Variants in SLC35F3 observed in about 807,000 individuals in gnomAD.
SLC35F3 encodes the protein putative thiamine transporter SLC35F3.
Under a neutral mutation model 49.9 loss-of-function variants are expected in SLC35F3, and 25 were observed. That is an observed-to-expected ratio of 0.50 (90% CI 0.37 to 0.70). The LOEUF (loss-of-function observed/expected upper bound fraction) is 0.70. SLC35F3 is among the 30% of genes least tolerant of loss of function. The pLI, the probability that SLC35F3 is intolerant of heterozygous loss-of-function variation, is 0.00. For missense variants in SLC35F3, 525 were observed against 639.8 expected (o/e 0.82, Z 1.94); for synonymous variants, 275 against 265.4 (o/e 1.04, Z -0.35).
chr1:234,185,569 G>T (rs1558253581), intron 2 of SLC35F3, among the ~76,000 whole-genome samples: 2 of 152,148 alleles, frequency 1.3e-5, no homozygotes, highest in Non-Finnish European at 2.9e-5. Flanking sequence ...CCTTCACATG[G>T]CTGGGGCACT....
chr1:234,132,863 C>A (rs758375156), intron 2 of SLC35F3, among the ~76,000 whole-genome samples: 1 of 152,138 alleles, frequency 6.6e-6, no homozygotes, highest in Non-Finnish European at 1.5e-5. Context: ...GAACATTCCA[C>A]GCAAAATTTC....
At chr1:234,088,550 G>C (rs541012224) in intron 2 of SLC35F3, among the ~76,000 whole-genome samples, 21 of 152,202 alleles carry the variant, frequency 1.4e-4, no homozygotes, top group Non-Finnish European at 2.8e-4. Flanking sequence ...TTTATTTTCA[G>C]GTTTTTTCAG....
At chr1:234,250,307 G>A (rs1475617554) in intron 3 of SLC35F3, among the ~76,000 whole-genome samples, 5 of 152,304 alleles carry the variant, frequency 3.3e-5, no homozygotes, top group Non-Finnish European at 5.9e-5. Context: ...CCCTGTCTTC[G>A]CCTGTTTGTG....
intron 2 of SLC35F3, among the ~76,000 whole-genome samples, chr1:233,987,413 T>G (rs1305783552): frequency 6.6e-6 from 1 of 152,160 alleles, no homozygotes; most frequent in African/African-American, 2.4e-5. Flanking sequence ...AAGTATCAAT[T>G]TATTTCCTTT....
At chr1:234,271,410 G>A (rs1445069692) in intron 3 of SLC35F3, among the ~76,000 whole-genome samples, 1 of 152,174 alleles carries the variant, frequency 6.6e-6, no homozygotes, top group Non-Finnish European at 1.5e-5. Context: ...CTGAACTCTT[G>A]TGGAAACTAG....
chr1:234,268,106 C>A (rs1194941381), intron 3 of SLC35F3, among the ~76,000 whole-genome samples: 1 of 151,972 alleles, frequency 6.6e-6, no homozygotes, highest in Non-Finnish European at 1.5e-5. Flanking sequence ...AGGCAGGCGG[C>A]TGGGAGGTGG....
intron 3 of SLC35F3, among the ~76,000 whole-genome samples, chr1:234,270,060 T>C (rs574357982): frequency 2.6e-5 from 4 of 152,302 alleles, no homozygotes; most frequent in African/African-American, 9.6e-5. Flanking sequence ...AACCTTCACA[T>C]CTTCATTAAA....
At chr1:233,999,964 A>G (rs1307049145) in intron 2 of SLC35F3, among the ~76,000 whole-genome samples, 1 of 152,208 alleles carries the variant, frequency 6.6e-6, no homozygotes, top group Admixed American at 6.5e-5. Context: ...AAGTCCTTTT[A>G]TCATGAGAAT....
intron 2 of SLC35F3, among the ~76,000 whole-genome samples, chr1:234,164,715 G>A (rs1666287151): frequency 6.6e-6 from 1 of 152,032 alleles, no homozygotes; most frequent in African/African-American, 2.4e-5. Flanking sequence ...TGAGACATCA[G>A]AGCAATTTAC....
Position 234,164,336 on chromosome 1 carries a change from C to T in SLC35F3, c.284-67081C>T, listed in dbSNP as rs534220121. On this transcript the variant is annotated intron_variant, in intron 2 of 7. Transcript: ENST00000366618. ...TTTCTCTCTCCCTATCTCTCTCCGT[C>T]TTTCTCTCTCCCCCCTCCCTCCTTC... is the stretch of plus-strand genomic sequence containing the variant. 8.6e-5 allele frequency among the ~76,000 whole-genome samples: 13 copies of T among 150,780 alleles called. No individual in the cohort carries two copies. The East Asian group carries it at 2.5e-3, about 29-fold the overall frequency.
intron 2 of SLC35F3, among the ~76,000 whole-genome samples, chr1:234,100,037 T>C (rs1665190660): frequency 6.6e-6 from 1 of 152,230 alleles, no homozygotes; most frequent in South Asian, 2.1e-4. Context: ...ACATTAACAC[T>C]CAAGGTGTTC....
chr1:234,196,885 T>C (rs1666821723), intron 2 of SLC35F3, among the ~76,000 whole-genome samples: 1 of 152,042 alleles, frequency 6.6e-6, no homozygotes, highest in Non-Finnish European at 1.5e-5. Context: ...GAGGTTGCAG[T>C]GAGCCAAGAT....
chr1:234,129,237 G>A (rs2102897340), intron 2 of SLC35F3, among the ~76,000 whole-genome samples: 1 of 152,292 alleles, frequency 6.6e-6, no homozygotes, highest in Non-Finnish European at 1.5e-5. Flanking sequence ...ATGAGAAGGT[G>A]CTCGACCTCA....
At position 234,041,038 on chromosome 1, in the gene SLC35F3, A is replaced by G. The variant is rs150796372; in HGVS notation, c.283+135280A>G. On this transcript the variant is annotated intron_variant, in intron 2 of 7. Coordinates refer to ENST00000366618, the MANE Select transcript of SLC35F3 (RefSeq NM_173508.4). The stretch of plus-strand genomic sequence containing the variant: ...GTAGAAACACATGTGCTATCTCTGC[A>G]GAGGTATATTCGTTTTTAACTTTCT... Among the ~76,000 whole-genome samples, 126 of 152,308 alleles carry G rather than the reference A, an allele frequency of 8.3e-4. 1 individual carries two copies. Among genetic ancestry groups the G allele is most frequent in the African/African-American group, 2.8e-3 (117 of 41,586 alleles).
At chr1:234,011,975 T>C (rs756791721) in intron 2 of SLC35F3, among the ~76,000 whole-genome samples, 11 of 151,974 alleles carry the variant, frequency 7.2e-5, no homozygotes, top group Non-Finnish European at 1.5e-4. Context: ...GGTCTCTGAG[T>C]TCCCTCAGTT....
Position 234,027,215 on chromosome 1 carries a change from T to C in SLC35F3, c.283+121457T>C, listed in dbSNP as rs1360233558. ...GCTCTGTCTCCCACCACCACACGCT[T>C]GATGGCCTGCATCTGGGCTGCTCAC... On this transcript the variant is annotated intron_variant, in intron 2 of 7. Transcript: ENST00000366618. This position sits in a 1 kb window ranked among gnomAD's most constrained non-coding sequence, Gnocchi z 4.1. The C allele has an allele frequency of 3.2e-5, 5 of 156,666 alleles. 1 individual carries two copies. Among genetic ancestry groups the C allele is most frequent in the Middle Eastern group, 1.3e-3 (2 of 1,530 alleles). The allele number at this position is 156,666 out of a possible 1,614,324, so 9.7% of individuals were successfully genotyped here.
chr1:234,119,513 T>C (rs1292415979), intron 2 of SLC35F3, among the ~76,000 whole-genome samples: 1 of 152,124 alleles, frequency 6.6e-6, no homozygotes, highest in Non-Finnish European at 1.5e-5. Context: ...AACGGTAGCA[T>C]CACAAAAGCT....
At chr1:233,972,293 C>A (rs1371656901) in intron 2 of SLC35F3, among the ~76,000 whole-genome samples, 1 of 152,218 alleles carries the variant, frequency 6.6e-6, no homozygotes, top group Non-Finnish European at 1.5e-5. Context: ...GAACATTAAA[C>A]AGCATAATAT....
intron 2 of SLC35F3, among the ~76,000 whole-genome samples, chr1:233,951,558 C>T (rs1662608414): frequency 6.6e-6 from 1 of 152,042 alleles, no homozygotes; most frequent in East Asian, 1.9e-4. Flanking sequence ...AGCAGGGGTT[C>T]CCAACTCCTG....
Sources: allele counts gnomAD v4.1 joint callset (sites outside exome capture counted in the v4.1 genomes callset), GRCh38; gene constraint gnomAD v4.1.1; non-coding constraint Gnocchi (gnomAD v3.1); transcripts MANE v1.5; gene names NCBI Gene and HGNC (gene_info 2026-07-23, HGNC 2026-07-21).